HECTD4: variants seen among roughly 807,000 people sequenced by gnomAD.
The protein encoded by HECTD4 is HECT domain E3 ubiquitin protein ligase 4.
In HECTD4, 114 loss-of-function variants were observed where a neutral mutation model predicts 471.5. The ratio of observed to expected loss-of-function variants is 0.24; its 90% CI spans 0.21 to 0.28. HECTD4 has a LOEUF of 0.28. Ranked by LOEUF, HECTD4 falls within the 10% of genes least tolerant of loss-of-function variation. The pLI is 1.00. For missense variants in HECTD4, 3,866 were observed against 5,651.5 expected, an observed-to-expected ratio of 0.68 and a Z score of 10.13; for synonymous variants, 2,012 against 2,256.0, an observed-to-expected ratio of 0.89 and a Z score of 3.07.
chr12:112,259,977 C>T (rs2034108278), intron 18 of HECTD4, among the ~76,000 whole-genome samples: 2 of 151,916 alleles, frequency 1.3e-5, no homozygotes. Flanking sequence ...ATAAACATAG[C>T]ACAAAATTTA....
intron 44 of HECTD4, among the ~76,000 whole-genome samples, chr12:112,219,953 T>C (rs2033043317): frequency 1.3e-5 from 2 of 152,054 alleles, no homozygotes; most frequent in South Asian, 4.2e-4. Flanking sequence ...TTCCATAACG[T>C]AGCCCAGCAT....
chr12:112,335,568 G>A (rs1403817194), intron 1 of HECTD4, among the ~76,000 whole-genome samples: 5 of 151,972 alleles, frequency 3.3e-5, no homozygotes, highest in African/African-American at 1.2e-4. Flanking sequence ...CGCGCCTGTA[G>A]TCCCAGCTAC....
At chr12:112,345,749 G>T (rs901184541) in intron 1 of HECTD4, among the ~76,000 whole-genome samples, 1 of 152,108 alleles carries the variant, frequency 6.6e-6, no homozygotes, top group Non-Finnish European at 1.5e-5. Context: ...CAAAAAATTA[G>T]CCGGGCATGG....
intron 1 of HECTD4, among the ~76,000 whole-genome samples, chr12:112,378,915 G>A (rs1358406163): frequency 3.3e-5 from 5 of 152,258 alleles, no homozygotes; most frequent in East Asian, 1.9e-4. Context: ...GGCGGCATGC[G>A]CCTGTAGTCC....
At chr12:112,192,088 T>C (rs2032097381) in intron 59 of HECTD4, among the ~76,000 whole-genome samples, 1 of 152,170 alleles carries the variant, frequency 6.6e-6, no homozygotes, top group South Asian at 2.1e-4. Context: ...TCTAAAACGA[T>C]GGAGGCTTCA....
At chr12:112,371,975 A>G (rs1055026758) in intron 1 of HECTD4, among the ~76,000 whole-genome samples, 22 of 152,178 alleles carry the variant, frequency 1.4e-4, no homozygotes, top group African/African-American at 5.3e-4. Context: ...ACTACTATAG[A>G]AAAAATTATG....
intron 29 of HECTD4, among the ~76,000 whole-genome samples, chr12:112,244,379 T>C (rs2033710395): frequency 6.6e-6 from 1 of 152,176 alleles, no homozygotes; most frequent in Non-Finnish European, 1.5e-5. Flanking sequence ...TTCAATTTCT[T>C]ATTTTTTTAA....
chr12:112,334,547 C>T (rs1035113832), intron 1 of HECTD4, among the ~76,000 whole-genome samples: 1 of 150,834 alleles, frequency 6.6e-6, no homozygotes, highest in African/African-American at 2.4e-5. Flanking sequence ...GTAATCCCAG[C>T]ACTTTGGGAG....
At chr12:112,208,893 C>CATT (rs1555250321) in intron 50 of HECTD4, among the ~76,000 whole-genome samples, 1 of 72,458 alleles carries the variant, frequency 1.4e-5, no homozygotes, top group Non-Finnish European at 2.5e-5. Context: ...ACTAAACAGG[C>CATT]TTTTTTTTTT....
chr12:112,257,965 G>A (rs370947949), intron 20 of HECTD4, among the ~76,000 whole-genome samples: 13 of 152,222 alleles, frequency 8.5e-5, no homozygotes, highest in African/African-American at 2.6e-4. Flanking sequence ...TGAGGTGGGC[G>A]GATCATGAGG....
chr12:112,360,477 A>C (rs1240679492), intron 1 of HECTD4, among the ~76,000 whole-genome samples: 1 of 152,238 alleles, frequency 6.6e-6, no homozygotes, highest in Non-Finnish European at 1.5e-5. Flanking sequence ...CTTGAGGGGC[A>C]GTTCTCAAGA....
Position 112,228,629 on chromosome 12 carries a change from A to G in HECTD4, c.6684+18T>C, listed in dbSNP as rs756827630. On this transcript the variant is annotated intron_variant, in intron 42 of 75. Transcript: ENST00000682272. The surrounding 1 kb of genome is among the most constrained non-coding windows in gnomAD (Gnocchi z 4.9). ...ACCATTGGCAGACATTTTACAAAGC[A>G]TTTAAAAATCACCTTACCTCTGATC... 1 of 1,594,400 alleles carries G rather than the reference A, an allele frequency of 6.3e-7. No individual in the cohort carries two copies. Among genetic ancestry groups the G allele is most frequent in the Admixed American group, 1.8e-5 (1 of 54,152 alleles).
At position 112,169,491 on chromosome 12, in the gene HECTD4, G is replaced by A; in HGVS notation, c.12208+12C>T. The A allele has an allele frequency of 6.2e-7, 1 of 1,602,308 alleles. No individual in the cohort carries two copies. Among genetic ancestry groups the A allele is most frequent in the Admixed American group, 1.7e-5 (1 of 59,202 alleles). ...GCTCCTCCAGCGTGGAGCCTGGCGG[G>A]CCACCACTTACTGGTGCCATGGACC... On this transcript the variant is annotated intron_variant, in intron 70 of 75. Transcript: ENST00000682272.
In HECTD4 at chr12:112,217,085, TC is replaced by T; in HGVS notation, c.7184del (p.Gly2395GlufsTer41). 1.3e-6 allele frequency: 2 copies of T among 1,585,354 alleles called. No individual in the cohort carries two copies. Among genetic ancestry groups the T allele is most frequent in the Middle Eastern group, 1.7e-4 (1 of 5,900 alleles). On this transcript the variant is annotated frameshift_variant, in exon 46 of 76. Transcript: ENST00000682272. LOFTEE classifies it high-confidence loss of function. ...AGATAAAAGTGCCCCGGGGCAGGCC[TC>T]CCCCAGCGCTGGGGTCAGCCAGGAA... ...VTFLADPSAG[G>X]GLPRGTFIYA...
chr12:112,167,460 T>C lies in HECTD4; in HGVS notation c.12391A>G (p.Ile4131Val). ...LLHFLGQLLG[I>V]AIRADVPLPL... ...AGCGGGACGTCTGCCCGAATTGCAA[T>C]CCCCAGCAGCTGCCCCAGGAAGTGC... Residue 4131 changes from isoleucine to valine, a missense_variant, in exon 72 of 76, where the codon ATT becomes GTT. Ile to Val is a conservative substitution (Grantham distance 29). This residue lies in a region of HECTD4 where 715 missense variants were observed against 1,087.6 expected (regional missense o/e 0.66). Transcript: ENST00000682272. The C allele has an allele frequency of 6.2e-7, 1 of 1,613,260 alleles. No homozygotes were observed. Among genetic ancestry groups the C allele is most frequent in the South Asian group, 1.1e-5 (1 of 91,006 alleles).
intron 22 of HECTD4, 85 bp downstream of exon 22, chr12:112,253,958 T>C: frequency 6.8e-7 from 1 of 1,463,860 alleles, no homozygotes; most frequent in Non-Finnish European, 9.3e-7. Context: ...CAAATGTTTT[T>C]CTGGGATTAC....
Position 112,179,092 on chromosome 12 carries a change from A to G in HECTD4, c.11212-10T>C. The G allele has an allele frequency of 1.9e-6, 3 of 1,613,962 alleles. No individual in the cohort carries two copies. Among genetic ancestry groups the G allele is most frequent in the Non-Finnish European group, 2.5e-6 (3 of 1,179,880 alleles). ...CATACTTCCTCAGGATCTGTGGAGC[A>G]CAGAGGCAGCGGGGAGGCTCTCAGG... On this transcript the variant is annotated splice_polypyrimidine_tract_variant and intron_variant, in intron 63 of 75. Coordinates refer to ENST00000682272, the MANE Select transcript of HECTD4 (RefSeq NM_001388303.1). This position sits in a 1 kb window ranked among gnomAD's most constrained non-coding sequence, Gnocchi z 4.3.
chr12:112,189,028 T>G (rs1255526358), intron 60 of HECTD4, among the ~76,000 whole-genome samples: 3 of 152,148 alleles, frequency 2.0e-5, no homozygotes, highest in Admixed American at 2.0e-4. Flanking sequence ...CCCTATCCAC[T>G]CCCTGGGTGT....
intron 1 of HECTD4, among the ~76,000 whole-genome samples, chr12:112,359,964 G>C (rs144664546): frequency 3.7e-4 from 56 of 152,268 alleles, no homozygotes; most frequent in African/African-American, 1.3e-3. Context: ...GAATTAAGAG[G>C]GAGGAATACG....
Sources: gnomAD v4.1 joint callset for allele counts (sites outside exome capture counted in the v4.1 genomes callset) on GRCh38, gnomAD v4.1.1 for gene constraint, gnomAD v4.1.1 regional missense constraint, Gnocchi (gnomAD v3.1) non-coding constraint, MANE v1.5 for transcripts, NCBI Gene and HGNC (gene_info 2026-07-23, HGNC 2026-07-21) for gene names.